LRRIQ3: variants seen among roughly 807,000 people sequenced by gnomAD.
The protein encoded by LRRIQ3 is leucine-rich repeat and IQ domain-containing protein 3.
A neutral mutation model predicts 59.3 loss-of-function variants in LRRIQ3; 75 were observed. The observed-to-expected ratio is 1.26, with a 90% CI of 1.05 to 1.53. The LOEUF (loss-of-function observed/expected upper bound fraction) is 1.53, where lower values mean the gene tolerates loss of function less well. Among genes scored for constraint, LRRIQ3 ranks in the 40% most tolerant of loss-of-function variants. The probability of loss-of-function intolerance (pLI) is 0.00; values close to 1 mark genes in which losing one functional copy is unlikely to be tolerated. For missense variants in LRRIQ3, 831 were observed against 710.0 expected, an observed-to-expected ratio of 1.17 and a Z score of -1.94; for synonymous variants, 250 against 231.3, an observed-to-expected ratio of 1.08 and a Z score of -0.73.
At position 74,026,623 on chromosome 1, in the gene LRRIQ3, G is replaced by A. The variant is rs377338925; in HGVS notation, c.*190C>T. On this transcript the variant is annotated 3_prime_UTR_variant, in exon 8 of 8. Coordinates refer to ENST00000354431, the MANE Select transcript of LRRIQ3 (RefSeq NM_001105659.2). ...CTAAGAAATTTTTCAGAGGTGCTAA[G>A]TCAACTTTAAGTTAAATTATGACCA... 11 of 482,390 alleles carry A rather than the reference G, an allele frequency of 2.3e-5. No homozygotes were observed. The East Asian group carries it at 3.1e-4, about 14-fold the overall frequency. 29.9% of individuals were successfully genotyped at this position (482,390 alleles called of 1,614,324 possible). A position where few individuals can be genotyped will look rare whatever the true frequency, so the allele number is the denominator to read the frequency against.
intron 5 of LRRIQ3, among the ~76,000 whole-genome samples, chr1:74,089,106 T>C (rs912972602): frequency 6.6e-6 from 1 of 152,082 alleles, no homozygotes; most frequent in Non-Finnish European, 1.5e-5. Flanking sequence ...AAAACCACCA[T>C]GAGATTACTT....
intron 5 of LRRIQ3, among the ~76,000 whole-genome samples, chr1:74,103,984 T>C (rs1016406314): frequency 6.6e-6 from 1 of 152,018 alleles, no homozygotes; most frequent in African/African-American, 2.4e-5. Context: ...GCAATAGTCC[T>C]GAGTAAGGTG....
chr1:74,190,396 T>C (rs1650683366), intron 1 of LRRIQ3, among the ~76,000 whole-genome samples: 1 of 151,774 alleles, frequency 6.6e-6, no homozygotes, highest in South Asian at 2.1e-4. Context: ...GGCTCATTAG[T>C]AGATGGGACA....
intron 5 of LRRIQ3, among the ~76,000 whole-genome samples, chr1:74,098,022 A>G (rs570961834): frequency 5.8e-4 from 89 of 152,318 alleles, no homozygotes; most frequent in African/African-American, 2.1e-3. Flanking sequence ...ACCAGCTAAC[A>G]TCATAATGAC....
chr1:74,180,901 T>C, intron 3 of LRRIQ3: 2 of 1,000,792 alleles, frequency 2.0e-6, no homozygotes, highest in Non-Finnish European at 2.9e-6. Flanking sequence ...TCTGTGTTAA[T>C]GCCTTACTTT....
chr1:74,118,214 T>C (rs1646803546), intron 4 of LRRIQ3, among the ~76,000 whole-genome samples: 1 of 152,098 alleles, frequency 6.6e-6, no homozygotes, highest in African/African-American at 2.4e-5. Context: ...TACTACACTC[T>C]CGCTTTTACA....
At chr1:74,149,799 T>C (rs1647809740) in intron 4 of LRRIQ3, among the ~76,000 whole-genome samples, 1 of 152,224 alleles carries the variant, frequency 6.6e-6, no homozygotes, top group Non-Finnish European at 1.5e-5. Context: ...CATTTGTAGC[T>C]GCTAGGCAAT....
intron 5 of LRRIQ3, among the ~76,000 whole-genome samples, chr1:74,099,481 G>C (rs974936887): frequency 3.3e-5 from 5 of 152,024 alleles, no homozygotes; most frequent in Non-Finnish European, 5.9e-5. Flanking sequence ...AGAGGTACAA[G>C]AAGGAGCTGG....
intron 4 of LRRIQ3, among the ~76,000 whole-genome samples, chr1:74,150,436 G>A (rs956357604): frequency 3.3e-5 from 5 of 152,036 alleles, no homozygotes; most frequent in African/African-American, 1.2e-4. Flanking sequence ...TCAGGAAATT[G>A]TAATATATAG....
At chr1:74,049,730 T>C (rs1413481888) in intron 6 of LRRIQ3, among the ~76,000 whole-genome samples, 1 of 152,102 alleles carries the variant, frequency 6.6e-6, no homozygotes, top group Non-Finnish European at 1.5e-5. Context: ...ACTAACATTT[T>C]CCTAATTCAA....
chr1:74,103,677 A>T lies in LRRIQ3; in HGVS notation c.867+5717T>A, dbSNP rs139059370. Among the ~76,000 whole-genome samples the T allele has an allele frequency of 3.5e-3, 537 of 152,074 alleles. 20 individuals are homozygous for T. The highest frequency in any genetic ancestry group is 0.029 in the Admixed American group (439 of 15,224). On this transcript the variant is annotated intron_variant, in intron 5 of 7. Coordinates refer to ENST00000354431, the MANE Select transcript of LRRIQ3 (RefSeq NM_001105659.2). ...AATCTCATAGAGAATCAACTCCTTC[A>T]CTATTTTCTTAGTATCATTTTCTGT...
chr1:74,154,235 CT>C (rs1648169452), intron 4 of LRRIQ3, among the ~76,000 whole-genome samples: 1 of 65,314 alleles, frequency 1.5e-5, no homozygotes, highest in Non-Finnish European at 2.6e-5. Flanking sequence ...AGCGAGACTC[CT>C]TCTCAAAAAA....
chr1:74,143,034 T>C (rs1296447140), intron 4 of LRRIQ3, among the ~76,000 whole-genome samples: 1 of 152,040 alleles, frequency 6.6e-6, no homozygotes, highest in East Asian at 1.9e-4. Context: ...GAAAACTGCT[T>C]TCTAATAAGA....
chr1:74,063,840 G>T (rs1219055850), intron 6 of LRRIQ3, among the ~76,000 whole-genome samples: 1 of 151,734 alleles, frequency 6.6e-6, no homozygotes, highest in Non-Finnish European at 1.5e-5. Context: ...AATTAAATCT[G>T]GCAATCTGTC....
At chr1:74,046,038 C>A (rs374077399) in intron 6 of LRRIQ3, among the ~76,000 whole-genome samples, 35 of 152,014 alleles carry the variant, frequency 2.3e-4, no homozygotes, top group African/African-American at 8.5e-4. Context: ...CTGCCCAAAG[C>A]AATTTATAGA....
At chr1:74,053,693 CAAAT>C (rs1553162508) in intron 6 of LRRIQ3, among the ~76,000 whole-genome samples, 3 of 151,630 alleles carry the variant, frequency 2.0e-5, no homozygotes, top group Admixed American at 6.6e-5. Flanking sequence ...TCTCTAAAAG[CAAAT>C]AAATAAATAA....
intron 7 of LRRIQ3, among the ~76,000 whole-genome samples, chr1:74,038,559 A>G (rs1396063013): frequency 1.3e-5 from 2 of 152,130 alleles, no homozygotes; most frequent in Non-Finnish European, 2.9e-5. Flanking sequence ...GAGCATTCCT[A>G]CTGAGATCAG....
intron 2 of LRRIQ3, 154 bp from the exon 3 acceptor site, chr1:74,183,015 G>A: frequency 2.1e-6 from 1 of 473,682 alleles, no homozygotes; most frequent in Non-Finnish European, 3.6e-6. Context: ...ATCCAATGAT[G>A]GCCAGTTGAA....
chr1:74,157,756 T>G (rs1210139340), intron 3 of LRRIQ3, among the ~76,000 whole-genome samples: 2 of 152,124 alleles, frequency 1.3e-5, no homozygotes, highest in Non-Finnish European at 2.9e-5. Flanking sequence ...CACTTCATTG[T>G]TACATTGAAA....
Sources: allele counts gnomAD v4.1 joint callset (sites outside exome capture counted in the v4.1 genomes callset), GRCh38; gene constraint gnomAD v4.1.1; transcripts MANE v1.5; gene names NCBI Gene and HGNC (gene_info 2026-07-23, HGNC 2026-07-21).